Variants in SLC19A3 observed in about 807,000 individuals in gnomAD.
The protein encoded by SLC19A3 is solute carrier family 19 member 3.
In SLC19A3, 31 loss-of-function variants were observed where a neutral mutation model predicts 40.2. That is an observed-to-expected ratio of 0.77 (90% CI 0.58 to 1.04). The LOEUF (loss-of-function observed/expected upper bound fraction) is 1.04. SLC19A3 is among the 50% of genes least tolerant of loss of function. SLC19A3 has a pLI of 0.00. For synonymous variants in SLC19A3, 212 were observed against 227.5 expected (o/e 0.93, Z 0.61); for missense variants, 592 against 596.7 (o/e 0.99, Z 0.08).
In SLC19A3 at chr2:227,691,925, A is replaced by G. The variant is rs1316628769; in HGVS notation, c.1173-3618T>C. On this transcript the variant is annotated intron_variant, in intron 4 of 5. Transcript: ENST00000644224. ...CAATACTGCAGAAATTTAAAGGATC[A>G]TCAGTGGCTACTATGAGCAAGTATA... Among the ~76,000 whole-genome samples the G allele has an allele frequency of 2.0e-5, 3 of 152,324 alleles. 1 individual carries two copies. In the East Asian group the frequency reaches 5.8e-4, roughly 29 times the overall value.
intron 2 of SLC19A3, among the ~76,000 whole-genome samples, chr2:227,699,987 C>T (rs1695617482): frequency 6.6e-6 from 1 of 151,900 alleles, no homozygotes; most frequent in South Asian, 2.1e-4. Context: ...AAGCCATTCT[C>T]CCATCTCAGC....
intron 1 of SLC19A3, chr2:227,714,464 C>A: frequency 1.0e-6 from 1 of 985,246 alleles, no homozygotes; most frequent in Non-Finnish European, 1.2e-6. Flanking sequence ...TTTTTCTGTG[C>A]CCCCAGTTTC....
At chr2:227,706,467 C>A (rs773469946) in intron 1 of SLC19A3, 32 of 1,221,280 alleles carry the variant, frequency 2.6e-5, no homozygotes, top group Non-Finnish European at 3.1e-5. Context: ...ACTGTGTAAA[C>A]GGTAGATTAA....
In SLC19A3 at chr2:227,687,388, G is replaced by A. The variant is rs1695054433; in HGVS notation, c.*9C>T. On this transcript the variant is annotated 3_prime_UTR_variant, in exon 6 of 6. Coordinates refer to ENST00000644224, the MANE Select transcript of SLC19A3 (RefSeq NM_025243.4). ...TTTGAAAGCCACTGTTGCGTTTGTT[G>A]CGATGAGGTTAGAGTTTTGTTGACA... The A allele has an allele frequency of 6.3e-7, 1 of 1,594,080 alleles. No homozygotes were observed. The highest frequency in any genetic ancestry group is 1.3e-5 in the African/African-American group (1 of 74,264).
intron 4 of SLC19A3, among the ~76,000 whole-genome samples, chr2:227,694,406 A>T (rs1462312695): frequency 6.6e-6 from 1 of 152,222 alleles, no homozygotes; most frequent in Non-Finnish European, 1.5e-5. Context: ...TTCTGATTAA[A>T]TTAAGACATT....
intron 1 of SLC19A3, among the ~76,000 whole-genome samples, chr2:227,708,723 T>C (rs538028506): frequency 1.1e-4 from 16 of 152,218 alleles, no homozygotes; most frequent in East Asian, 1.9e-4. Flanking sequence ...AGTGTTCTTA[T>C]AGTGACTGCA....
At chr2:227,706,552 C>A in intron 1 of SLC19A3, 1 of 926,592 alleles carries the variant, frequency 1.1e-6, no homozygotes, top group Non-Finnish European at 1.4e-6. Context: ...AGGTGGATCA[C>A]CTGAGGTCAG....
intron 1 of SLC19A3, among the ~76,000 whole-genome samples, chr2:227,711,725 T>C (rs1404095192): frequency 6.6e-6 from 1 of 152,004 alleles, no homozygotes; most frequent in Non-Finnish European, 1.5e-5. Context: ...AAAAGCCACA[T>C]CTGCTTATCA....
At chr2:227,694,301 C>A (rs780216567) in intron 4 of SLC19A3, among the ~76,000 whole-genome samples, 10 of 152,030 alleles carry the variant, frequency 6.6e-5, no homozygotes, top group African/African-American at 9.7e-5. Context: ...GCCACTGTGC[C>A]CAGCCGTGAA....
chr2:227,717,790 G>C (rs1696381737), intron 1 of SLC19A3, among the ~76,000 whole-genome samples, 153 bp downstream of exon 1: 2 of 152,184 alleles, frequency 1.3e-5, no homozygotes, highest in South Asian at 4.1e-4. Flanking sequence ...GGCGTAGGGG[G>C]AGAGCTCCTC....
chr2:227,715,951 CAAAAAAAAA>C (rs34546970), intron 1 of SLC19A3, among the ~76,000 whole-genome samples: 15 of 87,146 alleles, frequency 1.7e-4, no homozygotes, highest in African/African-American at 7.0e-4. Context: ...GACTCCGTCT[CAAAAAAAAA>C]AAAAAAAAAA....
intron 1 of SLC19A3, chr2:227,714,546 T>A: frequency 1.0e-6 from 1 of 985,390 alleles, no homozygotes. Flanking sequence ...CCCGCCACTA[T>A]GAAAATCCCT....
At chr2:227,715,109 C>G (rs7592908) in intron 1 of SLC19A3, among the ~76,000 whole-genome samples, 1 of 151,642 alleles carries the variant, frequency 6.6e-6, no homozygotes, top group Non-Finnish European at 1.5e-5. Flanking sequence ...TGTGAGCCGC[C>G]GTGCCTGGCC....
chr2:227,695,437 T>C, intron 4 of SLC19A3: 1 of 187,888 alleles, frequency 5.3e-6, no homozygotes, highest in Admixed American at 5.5e-5. Flanking sequence ...ACCCCATCTC[T>C]ACAAAATACG....
At chr2:227,704,243 C>A (rs111497518) in intron 1 of SLC19A3, among the ~76,000 whole-genome samples, 2 of 152,148 alleles carry the variant, frequency 1.3e-5, no homozygotes, top group African/African-American at 4.8e-5. Context: ...GCATGAGTCA[C>A]GCCTCACCAC....
chr2:227,689,864 A>C (rs1407902659), intron 4 of SLC19A3, among the ~76,000 whole-genome samples: 1 of 152,234 alleles, frequency 6.6e-6, no homozygotes, highest in East Asian at 1.9e-4. Context: ...AGGAGGACAA[A>C]GCTACACTGT....
intron 4 of SLC19A3, 122 bp from the exon 5 acceptor site, chr2:227,688,429 C>T: frequency 1.2e-6 from 1 of 811,246 alleles, no homozygotes; most frequent in Admixed American, 2.1e-5. Flanking sequence ...GGTAGTCCAG[C>T]AAAGAGAGAG....
In SLC19A3 at chr2:227,698,990, C is replaced by T. The variant is rs1252999399; in HGVS notation, c.725G>A (p.Gly242Glu). 1.9e-6 allele frequency: 3 copies of T among 1,614,102 alleles called. No homozygotes were observed. The highest frequency in any genetic ancestry group is 2.5e-6 in the Non-Finnish European group (3 of 1,180,048). The change falls in exon 3 of 6, where the codon GGG becomes GAG. Residue 242 changes from glycine (G) to glutamate (E), a missense_variant. Gly to Glu is a moderately conservative substitution (Grantham distance 98, BLOSUM62 -2). Coordinates refer to ENST00000644224, the MANE Select transcript of SLC19A3 (RefSeq NM_025243.4). Reference sequence around the variant, plus strand: ...GTTCAGCTGGCCCTTATTCAGCTTCCCTGAAGTGCTGAGTATTTCTGATGT... The same window carrying T: ...GTTCAGCTGGCCCTTATTCAGCTTCTCTGAAGTGCTGAGTATTTCTGATGT... ...KPTSEILSTSGKLNKGQLNSL... is the reference protein window; with the variant it reads ...KPTSEILSTSEKLNKGQLNSL...
chr2:227,705,611 C>T (rs1419968455), intron 1 of SLC19A3, among the ~76,000 whole-genome samples: 14 of 151,992 alleles, frequency 9.2e-5, no homozygotes, highest in Admixed American at 9.2e-4. Context: ...ACGTTCCCAC[C>T]AACAATGTAA....
Sources: gnomAD v4.1 joint callset for allele counts (sites outside exome capture counted in the v4.1 genomes callset) on GRCh38, gnomAD v4.1.1 for gene constraint, MANE v1.5 for transcripts, NCBI Gene and HGNC (gene_info 2026-07-23, HGNC 2026-07-21) for gene names.